The following DIXDC1 variants were observed in gnomAD, a reference collection of about 807,000 sequenced individuals.
The protein encoded by DIXDC1 is DIX domain containing 1, also known as dixin.
A neutral mutation model predicts 103.1 loss-of-function variants in DIXDC1; 64 were observed. That is an observed-to-expected ratio of 0.62 (90% CI 0.51 to 0.76). DIXDC1 has a LOEUF of 0.76. DIXDC1 is among the 30% of genes least tolerant of loss of function. DIXDC1 has a pLI of 0.00. For missense variants in DIXDC1, 759 were observed against 834.2 expected, an observed-to-expected ratio of 0.91 and a Z score of 1.11; for synonymous variants, 266 against 298.5, an observed-to-expected ratio of 0.89 and a Z score of 1.12.
At chr11:111,986,733 G>C in intron 8 of DIXDC1, 138 bp from the exon 9 acceptor site, 1 of 603,902 alleles carries the variant, frequency 1.7e-6, no homozygotes, top group Non-Finnish European at 2.8e-6. Context: ...TTACATCAGA[G>C]AGCAGGAACT....
rs1555172377 is a variant in DIXDC1, at chr11:111,974,257, A to G, written c.548+3A>G. On this transcript the variant is annotated splice_donor_region_variant and intron_variant, in intron 4 of 19. Transcript: ENST00000440460. ...GATGTCTTTCGATATAGACAGAGGTAAGGGTAGAAATCTGGGGGTGGGAAC... is the reference window on the plus strand; with the variant it reads ...GATGTCTTTCGATATAGACAGAGGTGAGGGTAGAAATCTGGGGGTGGGAAC... 1.2e-6 allele frequency: 2 copies of G among 1,610,470 alleles called. No homozygotes were observed. Among genetic ancestry groups the G allele is most frequent in the Non-Finnish European group, 1.7e-6 (2 of 1,178,376 alleles).
In DIXDC1 at chr11:111,974,199, G is replaced by A. The variant is rs782515563; in HGVS notation, c.493G>A (p.Asp165Asn). The A allele has an allele frequency of 4.0e-5, 64 of 1,613,930 alleles. 1 individual carries two copies. Among genetic ancestry groups the A allele is most frequent in the Non-Finnish European group, 4.9e-5 (58 of 1,179,878 alleles). Residue 165 changes from aspartate to asparagine, a missense_variant, in exon 4 of 20, where the codon GAT becomes AAT. Around this residue, in one of 3 missense-constraint regions of DIXDC1, gnomAD observed 657 missense variants for 727.5 expected, o/e 0.90. Transcript: ENST00000440460. ...VAQGAAAALA[D>N]VCHDMSRSGR... is the part of the protein sequence containing the mutation. ...CCAGGGAGCAGCTGCTGCTCTGGCC[G>A]ATGTGTGTCATGACATGTCCCGATC...
Position 112,019,970 on chromosome 11 carries a change from T to C in DIXDC1, c.*934T>C, listed in dbSNP as rs587754942. ...GACCATTAATTTCAGCATTTCTTTG[T>C]GATTTATAAGTACTGAGCATGAAGT... is the stretch of plus-strand genomic sequence containing the variant. On this transcript the variant is annotated 3_prime_UTR_variant, in exon 20 of 20. Coordinates refer to ENST00000440460, the MANE Select transcript of DIXDC1 (RefSeq NM_001037954.4). 5 of 152,316 alleles carry C rather than the reference T, an allele frequency of 3.3e-5. No homozygotes were observed. The highest frequency in any genetic ancestry group is 2.1e-4 in the South Asian group (1 of 4,824). The allele number at this position is 152,316 out of a possible 1,614,324, so 9.4% of individuals were successfully genotyped here.
At chr11:111,951,193 T>C (rs1163827554) in intron 1 of DIXDC1, among the ~76,000 whole-genome samples, 3 of 152,212 alleles carry the variant, frequency 2.0e-5, no homozygotes, top group Non-Finnish European at 2.9e-5. Flanking sequence ...AGGTAAATAC[T>C]GATTACCAAA....
At chr11:112,001,890 G>A (rs1555176058) in intron 17 of DIXDC1, among the ~76,000 whole-genome samples, 1 of 151,674 alleles carries the variant, frequency 6.6e-6, no homozygotes, top group Non-Finnish European at 1.5e-5. Context: ...CCAAGTAGCT[G>A]GGATTATACA....
Position 111,975,002 on chromosome 11 carries a change from A to G in DIXDC1, c.656+19A>G. On this transcript the variant is annotated intron_variant, in intron 5 of 19. Coordinates refer to ENST00000440460, the MANE Select transcript of DIXDC1 (RefSeq NM_001037954.4). ...GCTCCAGGTAACTGTGGCCTCTGAA[A>G]CCTGAATTCTGGAGGATTCTCGGAG... The G allele has an allele frequency of 6.2e-7, 1 of 1,603,114 alleles. No individual in the cohort carries two copies. Among genetic ancestry groups the G allele is most frequent in the Non-Finnish European group, 8.5e-7 (1 of 1,175,400 alleles).
chr11:111,955,766 A>G (rs1158013665), intron 1 of DIXDC1, among the ~76,000 whole-genome samples: 1 of 137,236 alleles, frequency 7.3e-6, no homozygotes, highest in African/African-American at 2.7e-5. Context: ...ACCTGGAGGT[A>G]GAGGTTGCAG....
Position 111,992,445 on chromosome 11 carries a change from G to T in DIXDC1, c.1144G>T (p.Asp382Tyr). ...CTTGCAGCAGAGATTGACTCAGCAG[G>T]ACACATCTGTTCTTCAGCTCAAACA... ...DALQQRLTQQ[D>Y]TSVLQLKQEL... The change falls in exon 11 of 20, where the codon GAC becomes TAC. Residue 382 changes from aspartate to tyrosine, a missense_variant. Transcript: ENST00000440460. 1 of 1,583,396 alleles carries T rather than the reference G, an allele frequency of 6.3e-7. No individual in the cohort carries two copies. Among genetic ancestry groups the T allele is most frequent in the Non-Finnish European group, 8.6e-7 (1 of 1,164,214 alleles).
At chr11:112,018,803 T>C (rs1043789339) in intron 19 of DIXDC1, among the ~76,000 whole-genome samples, 153 bp from the exon 20 acceptor site, 2 of 152,348 alleles carry the variant, frequency 1.3e-5, no homozygotes, top group Admixed American at 6.5e-5. Context: ...AAATAAAATA[T>C]CAGTTGCAGT....
Position 112,017,021 on chromosome 11 carries a change from A to G in DIXDC1, c.1862+225A>G, listed in dbSNP as rs143685355. Among the ~76,000 whole-genome samples the G allele has an allele frequency of 9.2e-4, 140 of 152,156 alleles. No individual in the cohort carries two copies. The highest frequency in any genetic ancestry group is 1.8e-3 in the Non-Finnish European group (119 of 67,986). Reference sequence around the variant, plus strand: ...TCTACTACTAGATACAGGTACAATAATAGTACTTCCAATCCTGATAACTAT... The same window carrying G: ...TCTACTACTAGATACAGGTACAATAGTAGTACTTCCAATCCTGATAACTAT... On this transcript the variant is annotated intron_variant, in intron 18 of 19. Coordinates refer to ENST00000440460, the MANE Select transcript of DIXDC1 (RefSeq NM_001037954.4). This position sits in a 1 kb window ranked among gnomAD's most constrained non-coding sequence, Gnocchi z 4.0.
Position 111,968,511 on chromosome 11 carries a change from A to G in DIXDC1, c.191-2A>G. The G allele has an allele frequency of 6.2e-7, 1 of 1,612,654 alleles. No individual in the cohort carries two copies. The highest frequency in any genetic ancestry group is 8.5e-7 in the Non-Finnish European group (1 of 1,179,244). ...CTTCCTATATTTTCTCTCTCCTAAC[A>G]GCAGGAGAAAAGCTGAGTGGGGTAC... On this transcript the variant is annotated splice_acceptor_variant, in intron 2 of 19. Transcript: ENST00000440460. LOFTEE classifies it high-confidence loss of function.
chr11:112,005,333 A>C (rs1861200804), intron 17 of DIXDC1, among the ~76,000 whole-genome samples: 1 of 152,182 alleles, frequency 6.6e-6, no homozygotes, highest in African/African-American at 2.4e-5. Flanking sequence ...ATACATAATA[A>C]TAAAAAGGTC....
intron 1 of DIXDC1, among the ~76,000 whole-genome samples, chr11:111,960,226 A>C (rs1408168915): frequency 6.6e-6 from 1 of 151,948 alleles, no homozygotes; most frequent in Admixed American, 6.6e-5. Context: ...AGCATTTTGA[A>C]TAAAGAAGCT....
At chr11:112,011,957 A>T (rs1315155401) in intron 17 of DIXDC1, among the ~76,000 whole-genome samples, 1 of 152,254 alleles carries the variant, frequency 6.6e-6, no homozygotes, top group East Asian at 1.9e-4. Context: ...TATAGTAAAA[A>T]AGGAAAAAGG....
At chr11:111,978,894 C>G (rs782218067) in intron 5 of DIXDC1, among the ~76,000 whole-genome samples, 1 of 152,218 alleles carries the variant, frequency 6.6e-6, no homozygotes, top group African/African-American at 2.4e-5. Flanking sequence ...AATCTATTCT[C>G]CTTGTGAATG....
chr11:111,931,999 C>T (rs1378985778), intron 2 of DIXDC1, among the ~76,000 whole-genome samples: 1 of 150,678 alleles, frequency 6.6e-6, no homozygotes, highest in Non-Finnish European at 1.5e-5. Context: ...TAATATAATA[C>T]TCACCCACAG....
At chr11:111,954,174 G>T (rs1966867803) in intron 1 of DIXDC1, among the ~76,000 whole-genome samples, 1 of 152,004 alleles carries the variant, frequency 6.6e-6, no homozygotes, top group African/African-American at 2.4e-5. Flanking sequence ...ATCAGTGGGA[G>T]CCCTGAGCTT....
At chr11:111,929,414 G>C (rs1157670184) in intron 1 of DIXDC1, among the ~76,000 whole-genome samples, 1 of 151,808 alleles carries the variant, frequency 6.6e-6, no homozygotes, top group Non-Finnish European at 1.5e-5. Flanking sequence ...TAAGCAACTA[G>C]GTTTAAAAAT....
chr11:111,975,437 A>G (rs1484253714), intron 5 of DIXDC1: 6 of 1,010,148 alleles, frequency 5.9e-6, no homozygotes, highest in Middle Eastern at 5.0e-4. Context: ...AATGTTTCCA[A>G]CTTTCCTCTA....
Sources: gnomAD v4.1 joint callset for allele counts (sites outside exome capture counted in the v4.1 genomes callset) on GRCh38, gnomAD v4.1.1 for gene constraint, gnomAD v4.1.1 regional missense constraint, Gnocchi (gnomAD v3.1) non-coding constraint, MANE v1.5 for transcripts, NCBI Gene and HGNC (gene_info 2026-07-23, HGNC 2026-07-21) for gene names.